Variants in SH3GL2 observed in about 807,000 individuals in gnomAD.
SH3GL2 encodes endophilin-A1.
In SH3GL2, 24 loss-of-function variants were observed where a neutral mutation model predicts 46.0. The observed-to-expected ratio is 0.52, with a 90% CI of 0.38 to 0.73. The LOEUF is 0.73. SH3GL2 is among the 30% of genes least tolerant of loss of function. SH3GL2 has a pLI of 0.00. For synonymous variants in SH3GL2, 196 were observed against 147.1 expected (o/e 1.33, Z -2.40); for missense variants, 413 against 424.2 (o/e 0.97, Z 0.23).
chr9:17,707,115 T>C lies in SH3GL2; in HGVS notation c.46-39951T>C, dbSNP rs1410981308. 3.3e-5 allele frequency among the ~76,000 whole-genome samples: 5 copies of C among 152,010 alleles called. No homozygotes were observed. The East Asian group carries it at 9.7e-4, about 29-fold the overall frequency. On this transcript the variant is annotated intron_variant, in intron 1 of 8. Transcript: ENST00000380607. The stretch of plus-strand genomic sequence containing the variant: ...TACAGTAATGGGGGGAACTTGTGCT[T>C]TTAATCAGGCAAATTTCTGTATCCT...
At chr9:17,600,589 A>G (rs1818652643) in intron 1 of SH3GL2, among the ~76,000 whole-genome samples, 1 of 152,188 alleles carries the variant, frequency 6.6e-6, no homozygotes, top group South Asian at 2.1e-4. Flanking sequence ...ATGGAATGCT[A>G]TTTCCATCCT....
At chr9:17,739,182 T>A (rs933317893) in intron 1 of SH3GL2, among the ~76,000 whole-genome samples, 16 of 152,254 alleles carry the variant, frequency 1.1e-4, no homozygotes, top group African/African-American at 3.4e-4. Context: ...AAATTTTCTC[T>A]TAACAAATGA....
intron 1 of SH3GL2, among the ~76,000 whole-genome samples, chr9:17,686,265 C>T (rs1320328601): frequency 6.9e-5 from 9 of 129,996 alleles, no homozygotes; most frequent in Non-Finnish European, 9.7e-5. Flanking sequence ...GTTAGAATGG[C>T]GATCATTAAA....
chr9:17,579,128 C>A lies in SH3GL2; in HGVS notation c.-115C>A, dbSNP rs1034751915. 5 of 626,990 alleles carry A rather than the reference C, an allele frequency of 8.0e-6. No individual in the cohort carries two copies. In the East Asian group the frequency reaches 1.1e-4, roughly 14 times the overall value. 38.8% of individuals were successfully genotyped at this position (626,990 alleles called of 1,614,324 possible). ...GGCTCCGCGCCCTCGCGCCCATAGCCCCGGCGGCGGCACGACCAGAGGCGG... is the reference window on the plus strand; with the variant it reads ...GGCTCCGCGCCCTCGCGCCCATAGCACCGGCGGCGGCACGACCAGAGGCGG... On this transcript the variant is annotated 5_prime_UTR_variant, in exon 1 of 9. Coordinates refer to ENST00000380607, the MANE Select transcript of SH3GL2 (RefSeq NM_003026.5).
intron 1 of SH3GL2, among the ~76,000 whole-genome samples, chr9:17,632,001 G>T (rs935795315): frequency 6.6e-6 from 1 of 152,112 alleles, no homozygotes; most frequent in African/African-American, 2.4e-5. Context: ...TTAGGGTTCA[G>T]TATCTGCTTT....
chr9:17,677,623 G>C (rs1563808160), intron 1 of SH3GL2, among the ~76,000 whole-genome samples: 1 of 130,364 alleles, frequency 7.7e-6, no homozygotes, highest in Non-Finnish European at 1.5e-5. Flanking sequence ...TAAATTGTAT[G>C]GTATATATAT....
chr9:17,752,213 C>G (rs1002220087), intron 2 of SH3GL2, among the ~76,000 whole-genome samples: 2 of 152,098 alleles, frequency 1.3e-5, no homozygotes, highest in Non-Finnish European at 2.9e-5. Flanking sequence ...CACTCTTGGA[C>G]CTGCCTGTAT....
chr9:17,772,182 G>C (rs963269241), intron 3 of SH3GL2, among the ~76,000 whole-genome samples: 1 of 152,154 alleles, frequency 6.6e-6, no homozygotes, highest in East Asian at 1.9e-4. Context: ...ATGCTAAGAT[G>C]CTATTTATTA....
At chr9:17,591,119 T>C (rs1267933691) in intron 1 of SH3GL2, 1 of 152,194 alleles carries the variant, frequency 6.6e-6, no homozygotes, top group Non-Finnish European at 1.5e-5. Flanking sequence ...GACACAGACA[T>C]GTAAAGCATT....
chr9:17,604,302 C>G (rs781094094), intron 1 of SH3GL2, among the ~76,000 whole-genome samples: 2 of 152,158 alleles, frequency 1.3e-5, no homozygotes, highest in Non-Finnish European at 2.9e-5. Context: ...CCACACAGAC[C>G]GTTAACTTTT....
At position 17,581,496 on chromosome 9, in the gene SH3GL2, T is replaced by C. The variant is rs565368070; in HGVS notation, c.45+2209T>C. Among the ~76,000 whole-genome samples the C allele has an allele frequency of 3.3e-5, 5 of 152,324 alleles. No homozygotes were observed. The South Asian group carries it at 1.0e-3, about 32-fold the overall frequency. Reference sequence around the variant, plus strand: ...CAGGTGACTGTTCTGTGCATATGTATATTTAGGAGAGTATGTAAAGCCCAT... The same window carrying C: ...CAGGTGACTGTTCTGTGCATATGTACATTTAGGAGAGTATGTAAAGCCCAT... On this transcript the variant is annotated intron_variant, in intron 1 of 8. Transcript: ENST00000380607.
At chr9:17,630,724 C>G (rs563015950) in intron 1 of SH3GL2, among the ~76,000 whole-genome samples, 2 of 152,252 alleles carry the variant, frequency 1.3e-5, no homozygotes, top group African/African-American at 4.8e-5. Flanking sequence ...TATTCTGGAG[C>G]TCAAATATTT....
chr9:17,738,524 A>G (rs797004095), intron 1 of SH3GL2, among the ~76,000 whole-genome samples: 476 of 84,782 alleles, frequency 5.6e-3, no homozygotes, highest in Non-Finnish European at 0.01. Flanking sequence ...ATGTGTGTGT[A>G]TATACATACA....
At chr9:17,625,038 C>A (rs1204807362) in intron 1 of SH3GL2, among the ~76,000 whole-genome samples, 2 of 152,178 alleles carry the variant, frequency 1.3e-5, no homozygotes, top group African/African-American at 4.8e-5. Flanking sequence ...CTAGAGTTGG[C>A]CTGACAGATT....
chr9:17,633,053 C>T (rs113926408), intron 1 of SH3GL2, among the ~76,000 whole-genome samples: 254 of 152,340 alleles, frequency 1.7e-3, no homozygotes, highest in African/African-American at 5.8e-3. Flanking sequence ...TTGACTTTTC[C>T]TCTCCTGGGT....
chr9:17,697,002 G>A (rs1462938794), intron 1 of SH3GL2, among the ~76,000 whole-genome samples: 1 of 151,844 alleles, frequency 6.6e-6, no homozygotes, highest in Non-Finnish European at 1.5e-5. Context: ...CTTCTGGGAG[G>A]ATGTACTAAG....
At chr9:17,777,987 C>T (rs529585708) in intron 3 of SH3GL2, among the ~76,000 whole-genome samples, 1 of 152,038 alleles carries the variant, frequency 6.6e-6, no homozygotes, top group African/African-American at 2.4e-5. Flanking sequence ...AACCCACCAA[C>T]TCTAAGAACT....
At chr9:17,589,766 C>A (rs1021907005) in intron 1 of SH3GL2, 1 of 152,258 alleles carries the variant, frequency 6.6e-6, no homozygotes, top group African/African-American at 2.4e-5. Flanking sequence ...TTGAGGATTG[C>A]AGATTTGTGT....
At chr9:17,597,755 C>A (rs935957502) in intron 1 of SH3GL2, among the ~76,000 whole-genome samples, 1 of 152,108 alleles carries the variant, frequency 6.6e-6, no homozygotes, top group Non-Finnish European at 1.5e-5. Context: ...TAATAAGCTA[C>A]TCTAGAAATT....
Sources: gnomAD v4.1 joint callset for allele counts (sites outside exome capture counted in the v4.1 genomes callset) on GRCh38, gnomAD v4.1.1 for gene constraint, MANE v1.5 for transcripts, NCBI Gene and HGNC (gene_info 2026-07-23, HGNC 2026-07-21) for gene names.